DCAF5: variants seen among roughly 807,000 people sequenced by gnomAD.
DCAF5 encodes DDB1 and CUL4 associated factor 5.
In DCAF5, 9 loss-of-function variants were observed where a neutral mutation model predicts 80.7. The ratio of observed to expected loss-of-function variants is 0.11; its 90% CI spans 0.07 to 0.19. The LOEUF (loss-of-function observed/expected upper bound fraction) is 0.19, where lower values mean the gene tolerates loss of function less well. Among genes scored for constraint, DCAF5 ranks in the 10% least tolerant of loss-of-function variants. The pLI is 1.00. For missense variants in DCAF5, 842 were observed against 1,205.7 expected, an observed-to-expected ratio of 0.70 and a Z score of 4.47; for synonymous variants, 433 against 461.9, an observed-to-expected ratio of 0.94 and a Z score of 0.80.
chr14:69,082,291 C>T (rs560195517), intron 6 of DCAF5, among the ~76,000 whole-genome samples: 1 of 152,284 alleles, frequency 6.6e-6, no homozygotes, highest in African/African-American at 2.4e-5. Flanking sequence ...ATTTCACTGC[C>T]TCCCAATAAA....
rs568093592 is a variant in DCAF5, at chr14:69,126,630, G to A, written c.215-4270C>T. Reference sequence around the variant, plus strand: ...AACATGATTTTGAAGAACAAAGTTGGAGGACTGACATTACCTGACTTCAGG... The same window carrying A: ...AACATGATTTTGAAGAACAAAGTTGAAGGACTGACATTACCTGACTTCAGG... On this transcript the variant is annotated intron_variant, in intron 1 of 8. Coordinates refer to ENST00000341516, the MANE Select transcript of DCAF5 (RefSeq NM_003861.3). Among the ~76,000 whole-genome samples the A allele has an allele frequency of 2.0e-5, 3 of 152,272 alleles. No homozygotes were observed. The East Asian group carries it at 5.8e-4, about 29-fold the overall frequency.
At chr14:69,075,286 C>T in intron 7 of DCAF5, 59 bp downstream of exon 7, 1 of 1,422,088 alleles carries the variant, frequency 7.0e-7, no homozygotes, top group Non-Finnish European at 9.8e-7. Flanking sequence ...CAGGGCACAG[C>T]ATGCCAAAGG....
At chr14:69,073,081 G>A (rs1395481233) in intron 7 of DCAF5, among the ~76,000 whole-genome samples, 1 of 152,236 alleles carries the variant, frequency 6.6e-6, no homozygotes, top group Non-Finnish European at 1.5e-5. Flanking sequence ...ATCTGGCCTG[G>A]TCAGACTAAA....
chr14:69,128,101 T>A (rs1159017021), intron 1 of DCAF5, among the ~76,000 whole-genome samples: 1 of 152,026 alleles, frequency 6.6e-6, no homozygotes, highest in East Asian at 1.9e-4. Flanking sequence ...GAAAAAAAAG[T>A]AGAGGGATAG....
chr14:69,135,172 A>G (rs1003832628), intron 1 of DCAF5, among the ~76,000 whole-genome samples: 5 of 152,186 alleles, frequency 3.3e-5, no homozygotes, highest in Admixed American at 3.3e-4. Context: ...TAACACTACA[A>G]TGTTATTTGC....
chr14:69,153,052 C>T lies in DCAF5; in HGVS notation c.-74G>A, dbSNP rs1336305041. 6.0e-6 allele frequency: 7 copies of T among 1,165,830 alleles called. No homozygotes were observed. Among genetic ancestry groups the T allele is most frequent in the Non-Finnish European group, 7.9e-6 (7 of 881,266 alleles). The allele number at this position is 1,165,830 out of a possible 1,614,324, so 72.2% of individuals were successfully genotyped here. A position where few individuals can be genotyped will look rare whatever the true frequency, so the allele number is the denominator to read the frequency against. ...TCACGCGCGGCCGCTGCTCCCCCCA[C>T]CCGGCCCTCCCCCCGCGCTGCGATC... On this transcript the variant is annotated 5_prime_UTR_variant, in exon 1 of 9. It adds an upstream start codon to the 5' untranslated region. Transcript: ENST00000341516.
intron 1 of DCAF5, among the ~76,000 whole-genome samples, chr14:69,146,403 G>A (rs2041538625): frequency 6.6e-6 from 1 of 152,110 alleles, no homozygotes; most frequent in Non-Finnish European, 1.5e-5. Flanking sequence ...AACCAAGTAG[G>A]ACAAATAATG....
chr14:69,134,832 T>G (rs558190791), intron 1 of DCAF5, among the ~76,000 whole-genome samples: 1 of 152,152 alleles, frequency 6.6e-6, no homozygotes, highest in Non-Finnish European at 1.5e-5. Flanking sequence ...TTGGTCCAAG[T>G]GTAAATAAGC....
At chr14:69,074,701 G>A (rs554577299) in intron 7 of DCAF5, among the ~76,000 whole-genome samples, 1 of 152,106 alleles carries the variant, frequency 6.6e-6, no homozygotes, top group African/African-American at 2.4e-5. Flanking sequence ...ATATGAAGAT[G>A]GATAATAAAA....
intron 5 of DCAF5, among the ~76,000 whole-genome samples, chr14:69,097,302 A>C (rs1594989378): frequency 6.6e-6 from 1 of 152,228 alleles, no homozygotes; most frequent in Admixed American, 6.5e-5. Context: ...AGCTTGTTTC[A>C]TACAGGAGCC....
In DCAF5 at chr14:69,053,766, T is replaced by A. The variant is rs1442854278; in HGVS notation, c.*91A>T. The A allele has an allele frequency of 7.7e-7, 1 of 1,291,084 alleles. No individual in the cohort carries two copies. Among genetic ancestry groups the A allele is most frequent in the Admixed American group, 2.8e-5 (1 of 35,390 alleles). 80.0% of individuals were successfully genotyped at this position (1,291,084 alleles called of 1,614,324 possible). ...AGGCCCTGGTTTCATGTGCCTTTAATACTTGTTTTTCCTTTCCTCTGTATT... is the reference window on the plus strand; with the variant it reads ...AGGCCCTGGTTTCATGTGCCTTTAAAACTTGTTTTTCCTTTCCTCTGTATT... On this transcript the variant is annotated 3_prime_UTR_variant, in exon 9 of 9. Coordinates refer to ENST00000341516, the MANE Select transcript of DCAF5 (RefSeq NM_003861.3).
At chr14:69,097,437 C>T (rs1012360065) in intron 5 of DCAF5, among the ~76,000 whole-genome samples, 2 of 152,068 alleles carry the variant, frequency 1.3e-5, no homozygotes, top group African/African-American at 4.8e-5. Flanking sequence ...CATCCTCGTA[C>T]ACCCACATTA....
intron 7 of DCAF5, among the ~76,000 whole-genome samples, chr14:69,066,120 C>G (rs1468618499): frequency 6.6e-6 from 1 of 152,022 alleles, no homozygotes; most frequent in Non-Finnish European, 1.5e-5. Context: ...GTTGGCTTAG[C>G]CAAATGTGCT....
intron 2 of DCAF5, among the ~76,000 whole-genome samples, chr14:69,120,622 C>T (rs1486273231): frequency 6.6e-6 from 1 of 152,158 alleles, no homozygotes; most frequent in African/African-American, 2.4e-5. Context: ...GCACAACCAA[C>T]AGTCACTTAA....
chr14:69,061,099 G>C (rs907508145), intron 8 of DCAF5, among the ~76,000 whole-genome samples: 1 of 151,830 alleles, frequency 6.6e-6, no homozygotes, highest in African/African-American at 2.4e-5. Flanking sequence ...CGACCTCCTA[G>C]GTTCAAGCAA....
Position 69,152,975 on chromosome 14 carries a change from T to C in DCAF5, c.4A>G (p.Lys2Glu), listed in dbSNP as rs1464775195. The change falls in exon 1 of 9, where the codon AAG (lysine) becomes GAG (glutamate). Residue 2 changes from lysine to glutamate, a missense_variant. Transcript: ENST00000341516. The surrounding 1 kb of genome is among the most constrained non-coding windows in gnomAD (Gnocchi z 4.1). ...CTGCCCCCCAGGCCAGCTCTCCTCT[T>C]CATGCTGGAACCGCCGCCGCCGCCG... M[K>E]RRAGLGGSMR... 6.3e-7 allele frequency: 1 copy of C among 1,584,292 alleles called. No individual in the cohort carries two copies. The highest frequency in any genetic ancestry group is 2.1e-4 in the Middle Eastern group (1 of 4,658).
intron 7 of DCAF5, among the ~76,000 whole-genome samples, chr14:69,068,898 C>A (rs2038573380): frequency 6.6e-6 from 1 of 152,120 alleles, no homozygotes; most frequent in African/African-American, 2.4e-5. Context: ...CTGGAGACCA[C>A]ATAACTACTT....
In DCAF5 at chr14:69,109,527, C is replaced by CA. The variant is rs566507136; in HGVS notation, c.665+6838dup. ...CAGAGGTAACCACTATTCTGACTTC[C>CA]ATAACTTGCCTGTTCTTGAGCATCA... On this transcript the variant is annotated intron_variant, in intron 5 of 8. Transcript: ENST00000341516. Among the ~76,000 whole-genome samples the CA allele has an allele frequency of 1.4e-3, 215 of 152,224 alleles. 5 individuals are homozygous for CA. In the South Asian group the frequency reaches 0.028, roughly 20 times the overall value.
chr14:69,086,655 A>G (rs1361275714), intron 6 of DCAF5, among the ~76,000 whole-genome samples: 1 of 150,928 alleles, frequency 6.6e-6, no homozygotes, highest in Admixed American at 6.6e-5. Context: ...TTATAACTTT[A>G]GAGGGCCTCT....
Sources: allele counts gnomAD v4.1 joint callset (sites outside exome capture counted in the v4.1 genomes callset), GRCh38; gene constraint gnomAD v4.1.1; non-coding constraint Gnocchi (gnomAD v3.1); transcripts MANE v1.5; gene names NCBI Gene and HGNC (gene_info 2026-07-23, HGNC 2026-07-21).